SMYD5: variants seen among roughly 807,000 people sequenced by gnomAD.
SMYD5 encodes SMYD family member 5, also known as protein-lysine N-trimethyltransferase SMYD5.
In SMYD5, 35 loss-of-function variants were observed where a neutral mutation model predicts 57.4. The ratio of observed to expected loss-of-function variants is 0.61; its 90% confidence interval spans 0.47 to 0.81. The LOEUF is 0.81. Among genes scored for constraint, SMYD5 ranks in the 30% least tolerant of loss-of-function variants. The pLI is 0.00. For synonymous variants in SMYD5, 198 were observed against 189.7 expected, an observed-to-expected ratio of 1.04 and a Z score of -0.36; for missense variants, 471 against 527.9, an observed-to-expected ratio of 0.89 and a Z score of 1.06.
At chr2:73,221,283 C>T in intron 5 of SMYD5, 49 bp downstream of exon 5, 1 of 1,482,952 alleles carries the variant, frequency 6.7e-7, no homozygotes, top group South Asian at 1.1e-5. Context: ...CCCCATTCAA[C>T]CCTTGGTCTC....
Position 73,224,930 on chromosome 2 carries a change from C to G in SMYD5, c.1005C>G (p.Val335=). The G allele has an allele frequency of 6.2e-7, 1 of 1,614,014 alleles. No homozygotes were observed. Among genetic ancestry groups the G allele is most frequent in the Non-Finnish European group, 8.5e-7 (1 of 1,179,932 alleles). ...SFPENNFLLH[V]TALEDIKPGE... is the part of the protein sequence containing the mutation. ...CAGAAAACAACTTCCTTTTGCATGT[C>G]ACTGCTCTGGAGGATATTAAGCCAG... is the stretch of plus-strand genomic sequence containing the variant. The change falls in exon 11 of 13, where the codon GTC becomes GTG. Residue 335 remains valine (V), a synonymous_variant. Transcript: ENST00000389501.
intron 8 of SMYD5, 120 bp downstream of exon 8, chr2:73,223,226 G>A: frequency 1.1e-6 from 1 of 916,350 alleles, no homozygotes; most frequent in Non-Finnish European, 1.8e-6. Flanking sequence ...TCACTGAACT[G>A]GACACAGTGG....
chr2:73,217,998 G>A (rs1686319793), intron 1 of SMYD5, among the ~76,000 whole-genome samples: 1 of 152,110 alleles, frequency 6.6e-6, no homozygotes, highest in South Asian at 2.1e-4. Flanking sequence ...TGAATCACCT[G>A]GGCATCTTGT....
At chr2:73,222,086 C>T (rs1276146431) in intron 6 of SMYD5, among the ~76,000 whole-genome samples, 156 bp downstream of exon 6, 2 of 152,140 alleles carry the variant, frequency 1.3e-5, no homozygotes, top group Non-Finnish European at 2.9e-5. Context: ...ACATTCCTGC[C>T]ACTGTTTACT....
chr2:73,217,480 G>A (rs769908909), intron 1 of SMYD5, among the ~76,000 whole-genome samples: 8 of 152,164 alleles, frequency 5.3e-5, no homozygotes, highest in Non-Finnish European at 1.0e-4. Flanking sequence ...GTCCCATAGA[G>A]GAAGGCCAAG....
rs894920564 is a variant in SMYD5 at position 73,222,969 on chromosome 2, CAG to C, written c.706-62_706-61del. The C allele has an allele frequency of 3.9e-6, 6 of 1,536,596 alleles. No individual in the cohort carries two copies. The African/African-American group carries it at 5.5e-5, about 14-fold the overall frequency. On this transcript the variant is annotated intron_variant, in intron 7 of 12. Transcript: ENST00000389501. Reference sequence around the variant, plus strand: ...CCTGACTCACAGAAGGCTTCCCAAACAGAGAGTCCAATTGGAAGAAAAGTCAG... The same window carrying C: ...CCTGACTCACAGAAGGCTTCCCAAACAGAGTCCAATTGGAAGAAAAGTCAG...
In SMYD5 at chr2:73,223,434, G is replaced by C; in HGVS notation, c.785G>C (p.Ser262Thr). The C allele has an allele frequency of 1.2e-6, 2 of 1,613,430 alleles. No homozygotes were observed. Among genetic ancestry groups the C allele is most frequent in the Non-Finnish European group, 1.7e-6 (2 of 1,179,372 alleles). ...NGQGIGTSSL[S>T]QWVHACDTLE... ...TGCCTGGGACCCCCCAGCTCCCTAA[G>C]CCAGTGGGTCCATGCCTGTGACACT... Residue 262 changes from serine (S) to threonine (T), a missense_variant, in exon 9 of 13, where the codon AGC becomes ACC. Ser to Thr is a moderately conservative substitution (Grantham distance 58). Transcript: ENST00000389501.
Position 73,215,620 on chromosome 2 carries a change from T to C in SMYD5, c.96+1258T>C, listed in dbSNP as rs987087496. On this transcript the variant is annotated intron_variant, in intron 1 of 12. Coordinates refer to ENST00000389501, the MANE Select transcript of SMYD5 (RefSeq NM_006062.3). ...TCATTCTTGGTTTGCAGTGATATTC[T>C]TCACCTTTTTCTTCATTAGCCCCCA... Among the ~76,000 whole-genome samples the C allele has an allele frequency of 3.9e-5, 6 of 152,344 alleles. No homozygotes were observed. In the South Asian group the frequency reaches 1.0e-3, roughly 26 times the overall value.
At position 73,226,542 on chromosome 2, in the gene SMYD5, C is replaced by T. The variant is rs1391407003; in HGVS notation, c.*596C>T. ...TGCTGGACCAGGGGGATTACTTCCC[C>T]CACCCACACCCCCATTTGGACATCT... On this transcript the variant is annotated 3_prime_UTR_variant, in exon 13 of 13. Coordinates refer to ENST00000389501, the MANE Select transcript of SMYD5 (RefSeq NM_006062.3). 1 of 153,258 alleles carries T rather than the reference C, an allele frequency of 6.5e-6. No individual in the cohort carries two copies. Among genetic ancestry groups the T allele is most frequent in the Non-Finnish European group, 1.5e-5 (1 of 68,790 alleles). The allele number at this position is 153,258 out of a possible 1,614,324, so 9.5% of individuals were successfully genotyped here. A position where few individuals can be genotyped will look rare whatever the true frequency, so the allele number is the denominator to read the frequency against.
chr2:73,218,739 A>T, intron 1 of SMYD5, 122 bp from the exon 2 acceptor site: 1 of 677,514 alleles, frequency 1.5e-6, no homozygotes, highest in South Asian at 1.7e-5. Context: ...ATGAACTCAC[A>T]GAGGCAGAGG....
At position 73,214,436 on chromosome 2, in the gene SMYD5, C is replaced by T. The variant is rs1219130401; in HGVS notation, c.96+74C>T. 12 of 1,606,326 alleles carry T rather than the reference C, an allele frequency of 7.5e-6. No homozygotes were observed. In the Admixed American group the frequency reaches 1.7e-4, roughly 22 times the overall value. ...GGAGACAGCCCGGCCGGACTCCATG[C>T]CCGGAGCCCAGAGGCTTCTGTGCCG... is the stretch of plus-strand genomic sequence containing the variant. On this transcript the variant is annotated intron_variant, in intron 1 of 12. Coordinates refer to ENST00000389501, the MANE Select transcript of SMYD5 (RefSeq NM_006062.3).
At chr2:73,223,136 C>T (rs764460095) in intron 8 of SMYD5, 30 bp downstream of exon 8, 3 of 1,590,028 alleles carry the variant, frequency 1.9e-6, no homozygotes, top group Non-Finnish European at 2.6e-6. Context: ...ATTGAAGTTA[C>T]TCTCAGGGGT....
intron 7 of SMYD5, 30 bp downstream of exon 7, chr2:73,222,847 C>G: frequency 6.3e-7 from 1 of 1,599,334 alleles, no homozygotes; most frequent in South Asian, 1.1e-5. Context: ...GACCAGTGGC[C>G]TCCTTGTTAC....
chr2:73,215,251 C>T (rs1686272691), intron 1 of SMYD5, among the ~76,000 whole-genome samples: 1 of 152,134 alleles, frequency 6.6e-6, no homozygotes, highest in African/African-American at 2.4e-5. Flanking sequence ...GTTATCTTTG[C>T]CTATTGATAT....
intron 5 of SMYD5, 38 bp from the exon 6 acceptor site, chr2:73,221,788 G>A: frequency 7.1e-7 from 1 of 1,407,160 alleles, no homozygotes; most frequent in Non-Finnish European, 1.0e-6. Flanking sequence ...GTGAGAAGGT[G>A]GGTATCTGTG....
At chr2:73,225,735 T>C in intron 12 of SMYD5, 34 bp downstream of exon 12, 1 of 1,614,058 alleles carries the variant, frequency 6.2e-7, no homozygotes, top group Non-Finnish European at 8.5e-7. Flanking sequence ...GCAGCTGGGC[T>C]CTGGGGTCCT....
rs1382438259 is a variant in SMYD5 at position 73,214,564 on chromosome 2, A to T, written c.96+202A>T. ...TCACGCGATAGACCCGGGCCTCCGG[A>T]GTCTCCGTGCGCATTTCCTCCCAGC... On this transcript the variant is annotated intron_variant, in intron 1 of 12. Coordinates refer to ENST00000389501, the MANE Select transcript of SMYD5 (RefSeq NM_006062.3). 8.1e-6 allele frequency: 12 copies of T among 1,488,572 alleles called. No individual in the cohort carries two copies. In the South Asian group the frequency reaches 1.6e-4, roughly 20 times the overall value. 92.2% of individuals were successfully genotyped at this position (1,488,572 alleles called of 1,614,324 possible). A position where few individuals can be genotyped will look rare whatever the true frequency, so the allele number is the denominator to read the frequency against.
intron 1 of SMYD5, chr2:73,214,736 T>A: frequency 7.5e-7 from 1 of 1,331,524 alleles, no homozygotes; most frequent in South Asian, 1.2e-5. Context: ...ACGAACTTCA[T>A]GTGTGAGATT....
chr2:73,214,843 G>A (rs1686264103), intron 1 of SMYD5: 3 of 1,294,602 alleles, frequency 2.3e-6, no homozygotes, highest in Non-Finnish European at 1.0e-6. Context: ...GGGGGCATTG[G>A]GAGAGTTTTT....
Sources: allele counts gnomAD v4.1 joint callset (sites outside exome capture counted in the v4.1 genomes callset), GRCh38; gene constraint gnomAD v4.1.1; transcripts MANE v1.5; gene names NCBI Gene and HGNC (gene_info 2026-07-23, HGNC 2026-07-21).